SUGCT: variants seen among roughly 807,000 people sequenced by gnomAD.
SUGCT encodes the protein succinyl-CoA:glutarate-CoA transferase, also known as succinyl-CoA:glutarate CoA-transferase.
SUGCT carries 41 observed loss-of-function variants against 55.0 expected under a neutral mutation model. The observed-to-expected ratio is 0.74, with a 90% confidence interval of 0.58 to 0.97. SUGCT has a LOEUF of 0.97. Among genes scored for constraint, SUGCT ranks in the 50% least tolerant of loss-of-function variants. The pLI is 0.00. For missense variants in SUGCT, 568 were observed against 547.8 expected, an observed-to-expected ratio of 1.04 and a Z score of -0.37; for synonymous variants, 187 against 200.4, an observed-to-expected ratio of 0.93 and a Z score of 0.56.
the SUGCT span, among the ~76,000 whole-genome samples, chr7:40,996,694 G>A: frequency 0.029 from 4,420 of 152,248 alleles, 222 homozygotes; most frequent in African/African-American, 0.099. Flanking sequence ...ACCATAACAA[G>A]CAGGTTGAGG....
At chr7:40,485,994 G>A (rs1203878400) in intron 11 of SUGCT, among the ~76,000 whole-genome samples, 1 of 152,080 alleles carries the variant, frequency 6.6e-6, no homozygotes, top group African/African-American at 2.4e-5. Context: ...TTGTGTTTTT[G>A]TCTGGTATTG....
intron 6 of SUGCT, among the ~76,000 whole-genome samples, chr7:40,223,921 A>G (rs889828492): frequency 1.2e-4 from 18 of 152,194 alleles, no homozygotes; most frequent in African/African-American, 4.3e-4. Context: ...TGGTTTGTAA[A>G]GAGATCTGTA....
At chr7:40,521,240 T>A (rs1204839454) in intron 12 of SUGCT, among the ~76,000 whole-genome samples, 1 of 152,176 alleles carries the variant, frequency 6.6e-6, no homozygotes, top group African/African-American at 2.4e-5. Context: ...GTTCTCATGA[T>A]AGTGAGTGAG....
chr7:40,182,724 A>G (rs1198360627), intron 3 of SUGCT, among the ~76,000 whole-genome samples: 1 of 152,198 alleles, frequency 6.6e-6, no homozygotes, highest in African/African-American at 2.4e-5. Flanking sequence ...TAGTTTATAA[A>G]GGAGAAAATG....
At chr7:40,364,843 A>G (rs1187129864) in intron 9 of SUGCT, among the ~76,000 whole-genome samples, 1 of 152,096 alleles carries the variant, frequency 6.6e-6, no homozygotes, top group Non-Finnish European at 1.5e-5. Flanking sequence ...ACAAGGAGGA[A>G]CTGGTACCAT....
intron 7 of SUGCT, among the ~76,000 whole-genome samples, chr7:40,249,793 TTG>T (rs150251052): frequency 6.6e-6 from 1 of 151,744 alleles, no homozygotes; most frequent in Admixed American, 6.6e-5. Context: ...AATTGACTTT[TTG>T]TGTGTGTGTG....
At chr7:40,761,792 A>G (rs1372569852) in intron 13 of SUGCT, among the ~76,000 whole-genome samples, 2 of 152,192 alleles carry the variant, frequency 1.3e-5, no homozygotes, top group African/African-American at 4.8e-5. Context: ...TTTACTGGAG[A>G]AATTGGCTGG....
intron 12 of SUGCT, among the ~76,000 whole-genome samples, chr7:40,623,744 A>G (rs771130424): frequency 4.6e-5 from 7 of 152,124 alleles, no homozygotes; most frequent in Non-Finnish European, 1.0e-4. Context: ...ATACACACAC[A>G]CACATTCCAG....
intron 13 of SUGCT, among the ~76,000 whole-genome samples, chr7:40,839,486 A>G (rs371368840): frequency 5.6e-4 from 86 of 152,282 alleles, no homozygotes; most frequent in African/African-American, 2.0e-3. Flanking sequence ...TGATTGTGTA[A>G]ATTCTTTTTT....
At chr7:40,275,220 T>A (rs915999859) in intron 8 of SUGCT, among the ~76,000 whole-genome samples, 1 of 152,206 alleles carries the variant, frequency 6.6e-6, no homozygotes, top group African/African-American at 2.4e-5. Flanking sequence ...TTGCTTCTTA[T>A]AAGACAAGAG....
the SUGCT span, among the ~76,000 whole-genome samples, chr7:40,995,222 CTCTT>C: frequency 2.0e-5 from 3 of 151,988 alleles, no homozygotes; most frequent in Non-Finnish European, 4.4e-5. Flanking sequence ...CAGAGAATGA[CTCTT>C]TCATTTAGCC....
the SUGCT span, among the ~76,000 whole-genome samples, chr7:41,015,635 ACGGGCATC>A: frequency 1.3e-5 from 2 of 152,178 alleles, no homozygotes; most frequent in African/African-American, 4.8e-5. Context: ...TCAAATGGTA[ACGGGCATC>A]AGGCTATTTG....
intron 9 of SUGCT, among the ~76,000 whole-genome samples, chr7:40,323,514 C>T (rs1429666843): frequency 2.6e-5 from 4 of 152,074 alleles, no homozygotes; most frequent in Admixed American, 6.6e-5. Context: ...CTCAGCCTCC[C>T]GAGTAATAGC....
chr7:40,312,459 TTA>T (rs1491236637), intron 8 of SUGCT, among the ~76,000 whole-genome samples: 5 of 99,616 alleles, frequency 5.0e-5, no homozygotes, highest in East Asian at 2.7e-4. Context: ...GCTGGTGAAA[TTA>T]TTTTTTTCCA....
At chr7:40,799,089 G>C (rs925539153) in intron 13 of SUGCT, among the ~76,000 whole-genome samples, 12 of 152,100 alleles carry the variant, frequency 7.9e-5, no homozygotes, top group Admixed American at 7.9e-4. Flanking sequence ...GAGACAGGAT[G>C]GACTCTGGGC....
intron 10 of SUGCT, among the ~76,000 whole-genome samples, chr7:40,457,566 T>C (rs1789559343): frequency 6.6e-6 from 1 of 152,236 alleles, no homozygotes; most frequent in South Asian, 2.1e-4. Context: ...CACTCTTTTT[T>C]AATTTAAGCT....
At chr7:40,486,724 CTT>C (rs59425229) in intron 11 of SUGCT, among the ~76,000 whole-genome samples, 41 of 133,854 alleles carry the variant, frequency 3.1e-4, no homozygotes, top group Admixed American at 1.7e-3. Context: ...TTCTTCCTTC[CTT>C]TTTTTTTTTT....
At chr7:40,490,284 A>G (rs1791610132) in intron 11 of SUGCT, among the ~76,000 whole-genome samples, 1 of 152,192 alleles carries the variant, frequency 6.6e-6, no homozygotes, top group Non-Finnish European at 1.5e-5. Context: ...AGCAACCACC[A>G]GGGTTTGTAT....
At chr7:40,752,938 A>G (rs528032313) in intron 13 of SUGCT, among the ~76,000 whole-genome samples, 15 of 152,226 alleles carry the variant, frequency 9.9e-5, no homozygotes, top group South Asian at 8.3e-4. Context: ...CTTTCTATAG[A>G]ATTATCAATA....
Sources: allele counts gnomAD v4.1 joint callset (sites outside exome capture counted in the v4.1 genomes callset), GRCh38; gene constraint gnomAD v4.1.1; transcripts MANE v1.5; gene names NCBI Gene and HGNC (gene_info 2026-07-23, HGNC 2026-07-21).